The following TOX4 variants were observed in gnomAD, a reference collection of about 807,000 sequenced individuals.
TOX4 encodes the protein TOX high mobility group box family member 4, also known as epidermal Langerhans cell protein LCP1.
Under a neutral mutation model 61.0 loss-of-function variants are expected in TOX4, and 12 were observed. The ratio of observed to expected loss-of-function variants is 0.20; its 90% confidence interval spans 0.13 to 0.32. The LOEUF (loss-of-function observed/expected upper bound fraction) is 0.32, where lower values mean the gene tolerates loss of function less well. Ranked by LOEUF, TOX4 falls within the 10% of genes least tolerant of loss-of-function variation. The pLI, the probability that TOX4 is intolerant of heterozygous loss-of-function variation, is 1.00. For synonymous variants in TOX4, 268 were observed against 274.8 expected, an observed-to-expected ratio of 0.98 and a Z score of 0.24; for missense variants, 499 against 753.3, an observed-to-expected ratio of 0.66 and a Z score of 3.95.
chr14:21,491,898 C>A (rs1393442429), intron 5 of TOX4, among the ~76,000 whole-genome samples: 3 of 151,656 alleles, frequency 2.0e-5, no homozygotes, highest in Non-Finnish European at 4.4e-5. Context: ...ATAGTCCCAG[C>A]TACTCAGGAG....
At chr14:21,491,489 A>T (rs1165543204) in intron 5 of TOX4, among the ~76,000 whole-genome samples, 1 of 151,850 alleles carries the variant, frequency 6.6e-6, no homozygotes, top group Non-Finnish European at 1.5e-5. Flanking sequence ...CCTCCTGAGT[A>T]GCTGGACTAT....
chr14:21,480,077 C>T (rs1198384306), intron 2 of TOX4, among the ~76,000 whole-genome samples: 2 of 152,162 alleles, frequency 1.3e-5, no homozygotes, highest in East Asian at 3.8e-4. Flanking sequence ...AAGCGATCCT[C>T]CCACCTTGGC....
At chr14:21,481,212 T>A (rs1346451946) in intron 2 of TOX4, among the ~76,000 whole-genome samples, 2 of 152,180 alleles carry the variant, frequency 1.3e-5, no homozygotes, top group Non-Finnish European at 2.9e-5. Flanking sequence ...AGAGTCTTGC[T>A]CTGTCACCCA....
intron 4 of TOX4, 134 bp downstream of exon 4, chr14:21,488,984 C>T: frequency 1.5e-6 from 2 of 1,333,060 alleles, no homozygotes; most frequent in Non-Finnish European, 2.0e-6. Context: ...GGGGTTCCAC[C>T]TCCCAATTTC....
In TOX4 at chr14:21,498,522, A is replaced by G; in HGVS notation, c.*1916A>G. 1.5e-6 allele frequency: 1 copy of G among 685,376 alleles called. No homozygotes were observed. Among genetic ancestry groups the G allele is most frequent in the Non-Finnish European group, 2.4e-6 (1 of 413,394 alleles). The allele number at this position is 685,376 out of a possible 1,614,324, so 42.5% of individuals were successfully genotyped here. On this transcript the variant is annotated 3_prime_UTR_variant, in exon 9 of 9. Transcript: ENST00000448790. ...TAACATTAGAATAGTATATGGTAGA[A>G]TTACTAGTTCAGAATTGGCATAGAT...
chr14:21,477,269 T>G lies in TOX4; in HGVS notation c.-10T>G. The G allele has an allele frequency of 1.9e-6, 3 of 1,613,414 alleles. No homozygotes were observed. The highest frequency in any genetic ancestry group is 1.3e-5 in the African/African-American group (1 of 74,760). ...TGAGGGTCTGAGACGGTGGGAGCGG[T>G]TGTGTGAAGATGGAGGTAGGAACCT... On this transcript the variant is annotated 5_prime_UTR_variant, in exon 1 of 9. Transcript: ENST00000448790.
At chr14:21,486,665 TTGTC>T (rs1891195097) in intron 2 of TOX4, among the ~76,000 whole-genome samples, 1 of 152,180 alleles carries the variant, frequency 6.6e-6, no homozygotes, top group Non-Finnish European at 1.5e-5. Flanking sequence ...TAATCAGACA[TTGTC>T]TGTTAGCTGC....
chr14:21,477,213 G>C lies in TOX4; in HGVS notation c.-66G>C, dbSNP rs1026737797. ...ACACGTCCTTGCGGAAGTGACGGCA[G>C]TTCCGAGTCCAGTGGGGGCGGTGGG... On this transcript the variant is annotated 5_prime_UTR_variant, in exon 1 of 9. Coordinates refer to ENST00000448790, the MANE Select transcript of TOX4 (RefSeq NM_014828.4). 2.8e-5 allele frequency: 45 copies of C among 1,613,736 alleles called. No individual in the cohort carries two copies. Among genetic ancestry groups the C allele is most frequent in the Non-Finnish European group, 3.6e-5 (43 of 1,179,754 alleles).
intron 2 of TOX4, among the ~76,000 whole-genome samples, chr14:21,478,751 C>T (rs548847783): frequency 7.4e-4 from 112 of 152,036 alleles, no homozygotes; most frequent in African/African-American, 2.7e-3. Context: ...ATAATCCTAA[C>T]GTTTTCATGG....
intron 5 of TOX4, among the ~76,000 whole-genome samples, chr14:21,490,445 A>T (rs987136807): frequency 6.6e-6 from 1 of 152,230 alleles, no homozygotes; most frequent in East Asian, 1.9e-4. Context: ...ATTGCACTCC[A>T]GCCTGGGCAA....
chr14:21,479,485 TA>T (rs1891072315), intron 2 of TOX4, among the ~76,000 whole-genome samples: 2 of 151,612 alleles, frequency 1.3e-5, no homozygotes, highest in Non-Finnish European at 2.9e-5. Flanking sequence ...CCATCTCTAC[TA>T]AAAATACAAA....
intron 2 of TOX4, among the ~76,000 whole-genome samples, chr14:21,487,196 A>T (rs931248877): frequency 2.6e-5 from 4 of 152,202 alleles, no homozygotes; most frequent in African/African-American, 9.6e-5. Flanking sequence ...GACAAAAGAG[A>T]CGGTAATGGT....
chr14:21,477,217 C>G lies in TOX4; in HGVS notation c.-62C>G. On this transcript the variant is annotated 5_prime_UTR_variant, in exon 1 of 9. Coordinates refer to ENST00000448790, the MANE Select transcript of TOX4 (RefSeq NM_014828.4). ...GTCCTTGCGGAAGTGACGGCAGTTC[C>G]GAGTCCAGTGGGGGCGGTGGGAGCG... The G allele has an allele frequency of 6.2e-7, 1 of 1,613,916 alleles. No individual in the cohort carries two copies. Among genetic ancestry groups the G allele is most frequent in the South Asian group, 1.1e-5 (1 of 91,066 alleles).
chr14:21,497,149 AT>A lies in TOX4; in HGVS notation c.*546del, dbSNP rs1207527336. On this transcript the variant is annotated 3_prime_UTR_variant, in exon 9 of 9. Coordinates refer to ENST00000448790, the MANE Select transcript of TOX4 (RefSeq NM_014828.4). ...GGAGTGATTTCTCTTTATATATATT[AT>A]TTCTGCAGTTACCATCCTTATCTGA... is the stretch of plus-strand genomic sequence containing the variant. The A allele has an allele frequency of 6.6e-6, 1 of 152,540 alleles. No homozygotes were observed. The highest frequency in any genetic ancestry group is 2.4e-5 in the African/African-American group (1 of 41,416). 9.4% of individuals were successfully genotyped at this position (152,540 alleles called of 1,614,324 possible).
chr14:21,491,556 G>T (rs1410040305), intron 5 of TOX4, among the ~76,000 whole-genome samples: 1 of 150,854 alleles, frequency 6.6e-6, no homozygotes, highest in Non-Finnish European at 1.5e-5. Flanking sequence ...GTAGAGATCG[G>T]GTTTCACCAG....
intron 2 of TOX4, among the ~76,000 whole-genome samples, chr14:21,486,365 A>G (rs1891190215): frequency 9.3e-6 from 1 of 107,566 alleles, no homozygotes; most frequent in Non-Finnish European, 2.0e-5. Context: ...GGGGGTAATC[A>G]TTATTAGGAT....
intron 2 of TOX4, among the ~76,000 whole-genome samples, chr14:21,486,177 AAAGAAAAGG>A (rs1891188281): frequency 9.4e-6 from 1 of 106,498 alleles, no homozygotes. Context: ...TCTCAAAAAA[AAAGAAAAGG>A]AACCTTTAGG....
chr14:21,480,208 G>T (rs1030268245), intron 2 of TOX4, among the ~76,000 whole-genome samples: 5 of 152,110 alleles, frequency 3.3e-5, no homozygotes, highest in African/African-American at 1.2e-4. Flanking sequence ...TAAATTTAAA[G>T]TATTAACAAG....
chr14:21,496,265 C>T (rs1309212741), intron 8 of TOX4: 4 of 229,092 alleles, frequency 1.7e-5, no homozygotes, highest in South Asian at 8.2e-5. Context: ...CGGTGGCTCA[C>T]GCTTGTAATC....
Sources: allele counts gnomAD v4.1 joint callset (sites outside exome capture counted in the v4.1 genomes callset), GRCh38; gene constraint gnomAD v4.1.1; transcripts MANE v1.5; gene names NCBI Gene and HGNC (gene_info 2026-07-23, HGNC 2026-07-21).